Variants in RALGAPA2 observed in about 807,000 individuals in gnomAD.
RALGAPA2 encodes ral GTPase-activating protein subunit alpha-2.
Under a neutral mutation model 230.4 loss-of-function variants are expected in RALGAPA2, and 139 were observed. The observed-to-expected ratio is 0.60, with a 90% CI of 0.53 to 0.69. The LOEUF is 0.69. Ranked by LOEUF, RALGAPA2 falls within the 30% of genes least tolerant of loss-of-function variation. RALGAPA2 has a pLI of 0.00. For missense variants in RALGAPA2, 2,163 were observed against 2,276.0 expected (o/e 0.95, Z 1.01); for synonymous variants, 847 against 837.8 (o/e 1.01, Z -0.19).
chr20:20,705,572 GAAC>G (rs1180989573), intron 1 of RALGAPA2, among the ~76,000 whole-genome samples: 1 of 152,064 alleles, frequency 6.6e-6, no homozygotes, highest in African/African-American at 2.4e-5. Context: ...TAATTTCACA[GAAC>G]AATAATTTAT....
intron 3 of RALGAPA2, among the ~76,000 whole-genome samples, chr20:20,655,444 T>C (rs764806149): frequency 3.3e-5 from 5 of 152,110 alleles, no homozygotes; most frequent in Admixed American, 6.5e-5. Flanking sequence ...TGAGGACACT[T>C]GAGCTGAGAC....
intron 37 of RALGAPA2, among the ~76,000 whole-genome samples, chr20:20,434,616 C>T (rs970758150): frequency 6.6e-6 from 1 of 152,110 alleles, no homozygotes; most frequent in Admixed American, 6.6e-5. Flanking sequence ...TGCCTTTCAT[C>T]TGTTTGGGTA....
chr20:20,635,820 G>T (rs1192666739), intron 8 of RALGAPA2, among the ~76,000 whole-genome samples: 1 of 152,164 alleles, frequency 6.6e-6, no homozygotes, highest in South Asian at 2.1e-4. Flanking sequence ...GAGAATGAGT[G>T]ATGATGGTGA....
intron 1 of RALGAPA2, among the ~76,000 whole-genome samples, chr20:20,709,139 T>A (rs951529722): frequency 6.0e-5 from 9 of 150,984 alleles, no homozygotes; most frequent in African/African-American, 2.2e-4. Context: ...GCCAACACGG[T>A]GAACCCCTGT....
intron 1 of RALGAPA2, among the ~76,000 whole-genome samples, chr20:20,684,214 CCT>C (rs914309808): frequency 6.6e-6 from 1 of 152,156 alleles, no homozygotes; most frequent in Admixed American, 6.6e-5. Context: ...TCCCCCCGGC[CCT>C]CTCTCTTGGT....
At chr20:20,582,056 A>G (rs2065000954) in intron 20 of RALGAPA2, among the ~76,000 whole-genome samples, 1 of 152,094 alleles carries the variant, frequency 6.6e-6, no homozygotes, top group African/African-American at 2.4e-5. Flanking sequence ...TCCACAAAAC[A>G]AAGCAAAACC....
chr20:20,429,544 TGCA>T (rs1368810176), intron 37 of RALGAPA2, among the ~76,000 whole-genome samples: 1 of 152,246 alleles, frequency 6.6e-6, no homozygotes, highest in Non-Finnish European at 1.5e-5. Flanking sequence ...CTTTCCTTCA[TGCA>T]GCAAGATTTG....
intron 37 of RALGAPA2, among the ~76,000 whole-genome samples, chr20:20,469,715 A>C (rs6046885): frequency 9.8e-5 from 15 of 152,308 alleles, no homozygotes; most frequent in African/African-American, 3.6e-4. Context: ...CCTTGGCTCA[A>C]ATGGTTGTGG....
chr20:20,439,314 GCGAT>G (rs374772223), intron 37 of RALGAPA2, among the ~76,000 whole-genome samples: 19 of 151,882 alleles, frequency 1.3e-4, no homozygotes, highest in African/African-American at 4.1e-4. Flanking sequence ...CTAGGCTCAA[GCGAT>G]CCTCCCACCT....
chr20:20,401,383 C>A (rs909900803), intron 38 of RALGAPA2, among the ~76,000 whole-genome samples: 1 of 152,172 alleles, frequency 6.6e-6, no homozygotes, highest in African/African-American at 2.4e-5. Flanking sequence ...ACCTCTCCTG[C>A]TGTGCCACCC....
intron 23 of RALGAPA2, among the ~76,000 whole-genome samples, chr20:20,568,987 T>C (rs6132317): frequency 0.017 from 2,544 of 152,300 alleles, 95 homozygotes; most frequent in East Asian, 0.14. Context: ...TCTCACAAAA[T>C]AGAAAGAAGC....
chr20:20,526,187 A>G, intron 28 of RALGAPA2, 65 bp downstream of exon 28: 1 of 1,178,642 alleles, frequency 8.5e-7, no homozygotes. Context: ...TCTATAATTA[A>G]TTAAATATCA....
intron 14 of RALGAPA2, among the ~76,000 whole-genome samples, chr20:20,609,625 T>G (rs1352948889): frequency 6.6e-6 from 1 of 152,174 alleles, no homozygotes; most frequent in East Asian, 1.9e-4. Context: ...ACAAAACAGA[T>G]GCAGAGCCAG....
intron 23 of RALGAPA2, among the ~76,000 whole-genome samples, chr20:20,553,795 T>G (rs1472565792): frequency 6.6e-6 from 1 of 152,194 alleles, no homozygotes; most frequent in Non-Finnish European, 1.5e-5. Flanking sequence ...AAGGAGAACC[T>G]TGAATATTTT....
At chr20:20,466,534 T>TC (rs1262504125) in intron 37 of RALGAPA2, among the ~76,000 whole-genome samples, 1 of 152,236 alleles carries the variant, frequency 6.6e-6, no homozygotes, top group African/African-American at 2.4e-5. Context: ...TTAATGGCTC[T>TC]CCATTTGGTT....
chr20:20,545,041 AAAG>A (rs1358806737), intron 24 of RALGAPA2, among the ~76,000 whole-genome samples: 1 of 152,220 alleles, frequency 6.6e-6, no homozygotes, highest in Non-Finnish European at 1.5e-5. Flanking sequence ...GTATTTCAAT[AAAG>A]AAGTATGATT....
chr20:20,457,520 C>T (rs1164263974), intron 37 of RALGAPA2, among the ~76,000 whole-genome samples: 1 of 152,188 alleles, frequency 6.6e-6, no homozygotes, highest in African/African-American at 2.4e-5. Flanking sequence ...TGAATTCGTT[C>T]ATTCGGCGTG....
At chr20:20,575,405 GTT>G (rs777780570) in intron 20 of RALGAPA2, among the ~76,000 whole-genome samples, 1 of 138,948 alleles carries the variant, frequency 7.2e-6, no homozygotes, top group Admixed American at 7.2e-5. Flanking sequence ...TGTTGAGTTT[GTT>G]TTTTTTTTTT....
chr20:20,510,423 A>G, intron 33 of RALGAPA2, among the ~76,000 whole-genome samples: 1 of 152,220 alleles, frequency 6.6e-6, no homozygotes, highest in East Asian at 1.9e-4. Context: ...TAGTGAAAAA[A>G]TATAGTGTGA....
Sources: allele counts gnomAD v4.1 joint callset (sites outside exome capture counted in the v4.1 genomes callset), GRCh38; gene constraint gnomAD v4.1.1; transcripts MANE v1.5; gene names NCBI Gene and HGNC (gene_info 2026-07-23, HGNC 2026-07-21).